Variants in TMEM266 observed in about 807,000 individuals in gnomAD.
The protein encoded by TMEM266 is Hv1 related protein 1.
In TMEM266, 33 loss-of-function variants were observed where a neutral mutation model predicts 50.5. That is an observed-to-expected ratio of 0.65 (90% CI 0.50 to 0.87). The LOEUF is 0.87. Ranked by LOEUF, TMEM266 falls within the 40% of genes least tolerant of loss-of-function variation. The pLI is 0.00. For synonymous variants in TMEM266, 310 were observed against 292.3 expected, an observed-to-expected ratio of 1.06 and a Z score of -0.62; for missense variants, 655 against 695.1, an observed-to-expected ratio of 0.94 and a Z score of 0.65.
At chr15:76,176,472 T>C (rs1050668021) in intron 8 of TMEM266, 1 of 152,492 alleles carries the variant, frequency 6.6e-6, no homozygotes, top group African/African-American at 2.4e-5. Flanking sequence ...GGTCCCAGGC[T>C]GTAAGGTGGG....
rs1365176053 is a variant in TMEM266 at position 76,153,745 on chromosome 15, G to T, written c.228-2859G>T. 3.9e-5 allele frequency among the ~76,000 whole-genome samples: 6 copies of T among 152,164 alleles called. No homozygotes were observed. The highest frequency in any genetic ancestry group is 1.4e-4 in the African/African-American group (6 of 41,452). On this transcript the variant is annotated intron_variant, in intron 3 of 10. Coordinates refer to ENST00000388942, the MANE Select transcript of TMEM266 (RefSeq NM_152335.3). This position sits in a 1 kb window ranked among gnomAD's most constrained non-coding sequence, Gnocchi z 4.2. ...AGGGGAGGCAGGAATGTCACATCGT[G>T]GGAAAAGAAGCAGGGGGAGTAGGTG...
Position 76,114,675 on chromosome 15 carries a change from T to G in TMEM266, c.-96-19493T>G, listed in dbSNP as rs568049491. On this transcript the variant is annotated intron_variant, in intron 1 of 10. Coordinates refer to ENST00000388942, the MANE Select transcript of TMEM266 (RefSeq NM_152335.3). The stretch of plus-strand genomic sequence containing the variant: ...GCCAATATATCTAGATTTTTTATAG[T>G]TTTTTGTCTTCTGTTTTTTTAAATT... Among the ~76,000 whole-genome samples, 74 of 152,328 alleles carry G rather than the reference T, an allele frequency of 4.9e-4. 1 individual carries two copies. The South Asian group carries it at 0.011, about 23-fold the overall frequency.
intron 8 of TMEM266, among the ~76,000 whole-genome samples, chr15:76,185,020 G>A (rs1041498159): frequency 2.6e-5 from 4 of 152,174 alleles, no homozygotes; most frequent in African/African-American, 7.2e-5. Context: ...GCACAGGCCC[G>A]TGTGAGCCCT....
chr15:76,142,697 C>T (rs1321072889), intron 3 of TMEM266, among the ~76,000 whole-genome samples: 3 of 152,192 alleles, frequency 2.0e-5, no homozygotes, highest in Non-Finnish European at 4.4e-5. Flanking sequence ...AAGGAGCAGT[C>T]GCCTTGATGT....
At chr15:76,157,561 C>T (rs556734844) in intron 4 of TMEM266, among the ~76,000 whole-genome samples, 3 of 152,228 alleles carry the variant, frequency 2.0e-5, no homozygotes, top group Admixed American at 1.3e-4. Flanking sequence ...GCCTACCCCC[C>T]ACTGTTTGTC....
intron 1 of TMEM266, among the ~76,000 whole-genome samples, chr15:76,096,123 C>T (rs1311914601): frequency 1.3e-5 from 2 of 151,974 alleles, no homozygotes; most frequent in Non-Finnish European, 2.9e-5. Context: ...TTCAGTTCTG[C>T]TCTAATCTTA....
intron 1 of TMEM266, among the ~76,000 whole-genome samples, chr15:76,102,846 A>G (rs2037022056): frequency 6.6e-6 from 1 of 151,636 alleles, no homozygotes; most frequent in Admixed American, 6.6e-5. Context: ...TCTCCAAAAA[A>G]AAAAAAAAAA....
chr15:76,065,885 G>T, intron 1 of TMEM266, among the ~76,000 whole-genome samples: 1 of 152,028 alleles, frequency 6.6e-6, no homozygotes, highest in Non-Finnish European at 1.5e-5. Context: ...GCTTTGTCCC[G>T]CGCACTCCCC....
At chr15:76,105,775 GA>G (rs2037070767) in intron 1 of TMEM266, among the ~76,000 whole-genome samples, 1 of 152,210 alleles carries the variant, frequency 6.6e-6, no homozygotes, top group African/African-American at 2.4e-5. Context: ...AGGGGCTCAG[GA>G]AATGTTTGAA....
chr15:76,172,062 C>T (rs887441369), intron 7 of TMEM266, among the ~76,000 whole-genome samples: 1 of 152,284 alleles, frequency 6.6e-6, no homozygotes, highest in East Asian at 1.9e-4. Flanking sequence ...CCCACCTCAG[C>T]CAGATAAGGA....
intron 1 of TMEM266, among the ~76,000 whole-genome samples, chr15:76,080,075 A>C (rs2036664198): frequency 6.6e-6 from 1 of 151,250 alleles, no homozygotes; most frequent in Admixed American, 6.6e-5. Context: ...GTTTCCTTTT[A>C]AGATCCTTCG....
intron 1 of TMEM266, among the ~76,000 whole-genome samples, chr15:76,094,460 G>A (rs1235588483): frequency 6.6e-6 from 1 of 152,090 alleles, no homozygotes; most frequent in Non-Finnish European, 1.5e-5. Context: ...TTGCTGTTCT[G>A]TCACATTGGT....
intron 1 of TMEM266, among the ~76,000 whole-genome samples, chr15:76,094,349 C>G (rs766381831): frequency 4.6e-5 from 7 of 152,036 alleles, no homozygotes; most frequent in African/African-American, 1.7e-4. Flanking sequence ...GCCAGTTTTC[C>G]CAACACCATT....
chr15:76,200,942 C>T (rs1240594948), intron 9 of TMEM266, among the ~76,000 whole-genome samples: 3 of 152,208 alleles, frequency 2.0e-5, no homozygotes, highest in Non-Finnish European at 4.4e-5. Context: ...CCTCCAGCCT[C>T]CCAGGGTCAG....
At chr15:76,100,933 A>G (rs142231159) in intron 1 of TMEM266, among the ~76,000 whole-genome samples, 1 of 152,162 alleles carries the variant, frequency 6.6e-6, no homozygotes, top group South Asian at 2.1e-4. Context: ...TAGGACTTGT[A>G]TCAGCTTAGG....
intron 1 of TMEM266, among the ~76,000 whole-genome samples, chr15:76,100,374 T>C (rs2142003352): frequency 6.6e-6 from 1 of 152,344 alleles, no homozygotes; most frequent in African/African-American, 2.4e-5. Context: ...GTTAAAAAGT[T>C]TCCTCCAAAA....
intron 5 of TMEM266, among the ~76,000 whole-genome samples, chr15:76,165,528 G>A (rs1384531419): frequency 1.3e-5 from 2 of 152,218 alleles, no homozygotes; most frequent in East Asian, 3.8e-4. Flanking sequence ...AAAGGAGGAG[G>A]CTGAAGCTGG....
intron 1 of TMEM266, among the ~76,000 whole-genome samples, chr15:76,073,075 G>A (rs1290852743): frequency 6.6e-6 from 1 of 151,826 alleles, no homozygotes; most frequent in Non-Finnish European, 1.5e-5. Flanking sequence ...GGGATTACAG[G>A]CATGTGTCAC....
chr15:76,090,143 T>G (rs1252975246), intron 1 of TMEM266, among the ~76,000 whole-genome samples: 2 of 152,180 alleles, frequency 1.3e-5, no homozygotes, highest in African/African-American at 4.8e-5. Context: ...AGCCCATTTA[T>G]GAGAAAGACC....
Sources: gnomAD v4.1 joint callset for allele counts (sites outside exome capture counted in the v4.1 genomes callset) on GRCh38, gnomAD v4.1.1 for gene constraint, Gnocchi (gnomAD v3.1) non-coding constraint, MANE v1.5 for transcripts, NCBI Gene and HGNC (gene_info 2026-07-23, HGNC 2026-07-21) for gene names.